Variants in GSDMC observed in about 807,000 individuals in gnomAD.
The protein encoded by GSDMC is gasdermin C, also known as gasdermin-C.
Under a neutral mutation model 58.0 loss-of-function variants are expected in GSDMC, and 59 were observed. The observed-to-expected ratio is 1.02, with a 90% CI of 0.82 to 1.26. GSDMC has a LOEUF of 1.26. Among genes scored for constraint, GSDMC ranks in the 50% most tolerant of loss-of-function variants. The pLI, the probability that GSDMC is intolerant of heterozygous loss-of-function variation, is 0.00. For missense variants in GSDMC, 659 were observed against 598.5 expected, an observed-to-expected ratio of 1.10 and a Z score of -1.06; for synonymous variants, 241 against 220.2, an observed-to-expected ratio of 1.09 and a Z score of -0.83.
At chr8:129,722,221 CG>C in the GSDMC span, among the ~76,000 whole-genome samples, 8 of 152,208 alleles carry the variant, frequency 5.3e-5, no homozygotes, top group African/African-American at 1.9e-4. Flanking sequence ...CTACGGTGCT[CG>C]GGGAATAGCA....
the GSDMC span, among the ~76,000 whole-genome samples, chr8:129,737,291 T>C: frequency 1.3e-5 from 2 of 152,172 alleles, no homozygotes. Flanking sequence ...AAAAAACTAC[T>C]TTAAAGTTCA....
intron 3 of GSDMC, among the ~76,000 whole-genome samples, chr8:129,769,817 T>C (rs2033991296): frequency 1.3e-5 from 2 of 152,054 alleles, no homozygotes; most frequent in South Asian, 2.1e-4. Flanking sequence ...CCTTCAGAGA[T>C]AAAAGAGAGA....
At position 129,750,469 on chromosome 8, in the gene GSDMC, G is replaced by C. The variant is rs761056719; in HGVS notation, c.1045C>G (p.Leu349Val). Residue 349 changes from leucine (L) to valine (V), a missense_variant, in exon 11 of 14, where the codon CTC becomes GTC. Coordinates refer to ENST00000276708, the MANE Select transcript of GSDMC (RefSeq NM_031415.3). ...TCCTGTAGAGCCCCTCTGTCTCTGA[G>C]CATGGCCAGGATACTGTAGAACATG... ...DVMFYSILAMLRDRGALQDLM... is the reference protein window; with the variant it reads ...DVMFYSILAMVRDRGALQDLM... 3.1e-6 allele frequency: 5 copies of C among 1,614,002 alleles called. No individual in the cohort carries two copies. The highest frequency in any genetic ancestry group is 3.4e-6 in the Non-Finnish European group (4 of 1,179,876).
Position 129,750,556 on chromosome 8 carries a change from G to C in GSDMC, c.958C>G (p.Gln320Glu), listed in dbSNP as rs756788046. ...EPFWQNFKHL[Q>E]EEVFQKIKTL... is the part of the protein sequence containing the mutation. ...TTTATTTTCTGGAAAACCTCCTCTT[G>C]TAGATGCTTGAAATCTGCTCTCAGG... Residue 320 changes from glutamine (Q) to glutamate (E), a missense_variant, in exon 11 of 14, where the codon CAA (glutamine) becomes GAA (glutamate). By Grantham distance (29) the Gln-to-Glu change is conservative. Transcript: ENST00000276708. 1 of 1,613,910 alleles carries C rather than the reference G, an allele frequency of 6.2e-7. No individual in the cohort carries two copies. Among genetic ancestry groups the C allele is most frequent in the Non-Finnish European group, 8.5e-7 (1 of 1,179,874 alleles).
chr8:129,734,264 CAGG>C, the GSDMC span, among the ~76,000 whole-genome samples: 1 of 152,116 alleles, frequency 6.6e-6, no homozygotes. Flanking sequence ...GGATATTATC[CAGG>C]AGAACTTCCC....
the GSDMC span, among the ~76,000 whole-genome samples, chr8:129,707,436 A>C: frequency 6.6e-6 from 1 of 152,072 alleles, no homozygotes; most frequent in African/African-American, 2.4e-5. Flanking sequence ...AGGGTTTTGT[A>C]TTTGTTACTC....
intron 4 of GSDMC, among the ~76,000 whole-genome samples, chr8:129,765,405 A>G (rs555855574): frequency 6.6e-6 from 1 of 152,340 alleles, no homozygotes; most frequent in East Asian, 1.9e-4. Flanking sequence ...GATTTTGTCA[A>G]TACTGTATGA....
At position 129,750,930 on chromosome 8, in the gene GSDMC, C is replaced by T. The variant is rs190616303; in HGVS notation, c.944-360G>A. ...CTTAGAGGCAAAAAACTTAGATGCT[C>T]TGGAATCAGTTTCCATATTGGTTAA... On this transcript the variant is annotated intron_variant, in intron 10 of 13. Coordinates refer to ENST00000276708, the MANE Select transcript of GSDMC (RefSeq NM_031415.3). 1.4e-4 allele frequency among the ~76,000 whole-genome samples: 21 copies of T among 152,238 alleles called. No homozygotes were observed. The East Asian group carries it at 3.5e-3, about 25-fold the overall frequency.
rs1386603277 is a variant in GSDMC at position 129,748,384 on chromosome 8, C to G, written c.*117G>C. ...CTAAAGTCTCTACCCATTACTGTCT[C>G]TACTCCACCTGGAAACGCAGAGAGG... On this transcript the variant is annotated 3_prime_UTR_variant, in exon 14 of 14. Transcript: ENST00000276708. The G allele has an allele frequency of 2.0e-6, 2 of 1,014,604 alleles. No homozygotes were observed. The highest frequency in any genetic ancestry group is 2.7e-5 in the East Asian group (1 of 36,926). 62.9% of individuals were successfully genotyped at this position (1,014,604 alleles called of 1,614,324 possible). A position where few individuals can be genotyped will look rare whatever the true frequency, so the allele number is the denominator to read the frequency against.
At chr8:129,752,215 C>T in intron 7 of GSDMC, 68 bp from the exon 8 acceptor site, 3 of 1,207,842 alleles carry the variant, frequency 2.5e-6, no homozygotes, top group Non-Finnish European at 3.7e-6. Context: ...TCCTCTACTT[C>T]TTTCCCTCTT....
chr8:129,764,308 C>T (rs1012866140), intron 4 of GSDMC, among the ~76,000 whole-genome samples: 1 of 152,074 alleles, frequency 6.6e-6, no homozygotes, highest in Non-Finnish European at 1.5e-5. Flanking sequence ...TCTTTGGGGT[C>T]TCCAGTGGTT....
chr8:129,782,668 C>T (rs1182101039), intron 1 of GSDMC, among the ~76,000 whole-genome samples: 2 of 151,918 alleles, frequency 1.3e-5, no homozygotes, highest in Non-Finnish European at 2.9e-5. Flanking sequence ...TGAAGAAATC[C>T]AAAACCTGTA....
chr8:129,776,702 T>C (rs2034238776), intron 2 of GSDMC, among the ~76,000 whole-genome samples: 1 of 152,040 alleles, frequency 6.6e-6, no homozygotes, highest in African/African-American at 2.4e-5. Context: ...TTCTACTAGT[T>C]CCCAGGGACA....
intron 3 of GSDMC, among the ~76,000 whole-genome samples, chr8:129,772,083 T>C (rs2034073422): frequency 1.3e-5 from 2 of 151,928 alleles, no homozygotes; most frequent in African/African-American, 4.8e-5. Context: ...GCTAACACGG[T>C]GAAACTCCGT....
chr8:129,770,704 A>T (rs2034018445), intron 3 of GSDMC, among the ~76,000 whole-genome samples: 1 of 152,190 alleles, frequency 6.6e-6, no homozygotes, highest in Admixed American at 6.5e-5. Flanking sequence ...ACAAAGGAAG[A>T]TGGCAGGTGA....
At chr8:129,729,891 G>T in the GSDMC span, 1 of 1,151,346 alleles carries the variant, frequency 8.7e-7, no homozygotes, top group Non-Finnish European at 1.3e-6. Flanking sequence ...CCAACCTACT[G>T]AGATTAATCT....
chr8:129,747,029 C>A (rs549948031), downstream of GSDMC, among the ~76,000 whole-genome samples: 232 of 151,736 alleles, frequency 1.5e-3, no homozygotes, highest in Non-Finnish European at 2.0e-3. Context: ...GCAGGCAGAT[C>A]ACTTGAGGCC....
intron 8 of GSDMC, 103 bp downstream of exon 8, chr8:129,752,003 C>G: frequency 1.4e-6 from 2 of 1,453,706 alleles, no homozygotes; most frequent in African/African-American, 2.8e-5. Context: ...GCCCTTTTCC[C>G]CAGAGGCCAG....
At chr8:129,760,047 T>C (rs1333659018) in intron 6 of GSDMC, among the ~76,000 whole-genome samples, 1 of 152,042 alleles carries the variant, frequency 6.6e-6, no homozygotes, top group African/African-American at 2.4e-5. Context: ...ATGAATGAGA[T>C]CCTATTATTT....
Sources: allele counts gnomAD v4.1 joint callset (sites outside exome capture counted in the v4.1 genomes callset), GRCh38; gene constraint gnomAD v4.1.1; transcripts MANE v1.5; gene names NCBI Gene and HGNC (gene_info 2026-07-23, HGNC 2026-07-21).